Variants in PARN observed in about 807,000 individuals in gnomAD.
PARN encodes the protein poly(A)-specific ribonuclease PARN.
In PARN, 71 loss-of-function variants were observed where a neutral mutation model predicts 102.8. The observed-to-expected ratio is 0.69, with a 90% confidence interval of 0.57 to 0.84. The LOEUF (loss-of-function observed/expected upper bound fraction) is 0.84, where lower values mean the gene tolerates loss of function less well. Ranked by LOEUF, PARN falls within the 40% of genes least tolerant of loss-of-function variation. The pLI is 0.00. For missense variants in PARN, 782 were observed against 760.9 expected, an observed-to-expected ratio of 1.03 and a Z score of -0.33; for synonymous variants, 261 against 252.9, an observed-to-expected ratio of 1.03 and a Z score of -0.30.
intron 6 of PARN, among the ~76,000 whole-genome samples, chr16:14,611,057 G>A (rs191655750): frequency 2.6e-5 from 4 of 152,232 alleles, no homozygotes; most frequent in Non-Finnish European, 5.9e-5. Context: ...ACTGGGGAAT[G>A]AACAGTGACA....
chr16:14,551,115 A>T (rs1967273535), intron 21 of PARN, among the ~76,000 whole-genome samples: 1 of 151,834 alleles, frequency 6.6e-6, no homozygotes, highest in South Asian at 2.1e-4. Context: ...CATATTTAGT[A>T]GAGATAGGGT....
intron 5 of PARN, among the ~76,000 whole-genome samples, chr16:14,620,726 G>A (rs1016830956): frequency 6.6e-6 from 1 of 152,152 alleles, no homozygotes; most frequent in Non-Finnish European, 1.5e-5. Context: ...TAAATGTTCT[G>A]AGGTCTCTAT....
chr16:14,595,472 C>A (rs1312974569), intron 12 of PARN, among the ~76,000 whole-genome samples: 1 of 152,168 alleles, frequency 6.6e-6, no homozygotes, highest in Non-Finnish European at 1.5e-5. Flanking sequence ...TCAAGCAATC[C>A]TCCCACCTCA....
intron 22 of PARN, among the ~76,000 whole-genome samples, chr16:14,476,118 G>A (rs1963034652): frequency 6.6e-6 from 1 of 152,148 alleles, no homozygotes; most frequent in Non-Finnish European, 1.5e-5. Context: ...TAATCTTAGA[G>A]TAGTGCTTGG....
intron 18 of PARN, among the ~76,000 whole-genome samples, chr16:14,574,639 T>C (rs202123817): frequency 6.6e-6 from 1 of 151,800 alleles, no homozygotes; most frequent in Non-Finnish European, 1.5e-5. Flanking sequence ...CTTGAACCCA[T>C]GAGGCAGAGG....
At chr16:14,440,221 T>C (rs977559930) in intron 23 of PARN, among the ~76,000 whole-genome samples, 6 of 152,156 alleles carry the variant, frequency 3.9e-5, no homozygotes, top group Admixed American at 3.9e-4. Flanking sequence ...ATAAGAAATC[T>C]GGATGGCAAA....
At chr16:14,590,428 C>T (rs1043844082) in intron 13 of PARN, among the ~76,000 whole-genome samples, 3 of 150,224 alleles carry the variant, frequency 2.0e-5, no homozygotes, top group East Asian at 2.0e-4. Context: ...TGAGATGAGG[C>T]GTTCGAGACC....
intron 22 of PARN, among the ~76,000 whole-genome samples, chr16:14,465,031 ATACT>A (rs1325524010): frequency 6.6e-6 from 1 of 152,216 alleles, no homozygotes; most frequent in Admixed American, 6.5e-5. Flanking sequence ...GAATGAGGAA[ATACT>A]TACATGGGTA....
intron 23 of PARN, among the ~76,000 whole-genome samples, chr16:14,443,244 C>T (rs1961024330): frequency 6.6e-6 from 1 of 151,550 alleles, no homozygotes; most frequent in African/African-American, 2.4e-5. Flanking sequence ...GTACTTAATT[C>T]TTAGTGTATC....
intron 21 of PARN, among the ~76,000 whole-genome samples, chr16:14,506,772 C>T (rs577139274): frequency 1.8e-4 from 27 of 152,208 alleles, no homozygotes; most frequent in East Asian, 1.4e-3. Context: ...AGGAGGACTG[C>T]CTGAGCCCAG....
chr16:14,521,802 C>CAA (rs747428935), intron 21 of PARN, among the ~76,000 whole-genome samples: 1 of 137,046 alleles, frequency 7.3e-6, no homozygotes. Context: ...AACTCCATCT[C>CAA]AAAAAAAAAA....
chr16:14,461,803 C>A (rs1444257086), intron 22 of PARN, among the ~76,000 whole-genome samples: 1 of 152,110 alleles, frequency 6.6e-6, no homozygotes, highest in Non-Finnish European at 1.5e-5. Context: ...TTTTGATTAT[C>A]CATTTGAAAA....
At chr16:14,438,688 G>A (rs1432885718) in intron 23 of PARN, among the ~76,000 whole-genome samples, 3 of 152,152 alleles carry the variant, frequency 2.0e-5, no homozygotes, top group Non-Finnish European at 2.9e-5. Flanking sequence ...TTTAATGAAC[G>A]CTAGGTCTCT....
intron 13 of PARN, among the ~76,000 whole-genome samples, chr16:14,589,401 A>C (rs1219515534): frequency 1.3e-5 from 2 of 150,678 alleles, no homozygotes; most frequent in Non-Finnish European, 3.0e-5. Flanking sequence ...TGTCTCTACA[A>C]AACTTTCAAA....
intron 21 of PARN, among the ~76,000 whole-genome samples, chr16:14,548,140 C>T (rs1323581319): frequency 2.0e-5 from 3 of 151,522 alleles, no homozygotes; most frequent in African/African-American, 4.9e-5. Context: ...CCCAGCTACT[C>T]GGGAGGCTGA....
chr16:14,614,914 G>A lies in PARN; in HGVS notation c.388+2676C>T, dbSNP rs77891705. Among the ~76,000 whole-genome samples, 19 of 150,168 alleles carry A rather than the reference G, an allele frequency of 1.3e-4. No individual in the cohort carries two copies. In the East Asian group the frequency reaches 3.7e-3, roughly 29 times the overall value. ...GAAAATTCAGGTGTCTGAAGGTGGTGTGGGGAAACAAGGAGGACACCTAGC... is the reference window on the plus strand; with the variant it reads ...GAAAATTCAGGTGTCTGAAGGTGGTATGGGGAAACAAGGAGGACACCTAGC... On this transcript the variant is annotated intron_variant, in intron 6 of 23. Coordinates refer to ENST00000437198, the MANE Select transcript of PARN (RefSeq NM_002582.4).
At chr16:14,619,120 G>T (rs988598576) in intron 5 of PARN, among the ~76,000 whole-genome samples, 4 of 151,892 alleles carry the variant, frequency 2.6e-5, no homozygotes, top group Admixed American at 2.6e-4. Context: ...ACTTAAGTAT[G>T]GAAGGTGAGG....
At chr16:14,606,421 A>G in intron 10 of PARN, 63 bp downstream of exon 10, 2 of 869,228 alleles carry the variant, frequency 2.3e-6, no homozygotes. Context: ...AAAAAAAAAG[A>G]AACCCCTAAC....
At position 14,468,908 on chromosome 16, in the gene PARN, T is replaced by TAGATAGATAGAC. The variant is rs1248446669; in HGVS notation, c.1670+13729_1670+13730insGTCTATCTATCT. Among the ~76,000 whole-genome samples the TAGATAGATAGAC allele has an allele frequency of 9.4e-4, 142 of 150,664 alleles. 1 individual carries two copies. Among genetic ancestry groups the TAGATAGATAGAC allele is most frequent in the African/African-American group, 3.3e-3 (137 of 40,992 alleles). ...ATAGATAGATAGATAGATAGATAGA[T>TAGATAGATAGAC]AGATAGATAGATAGATAAAATAAAA... On this transcript the variant is annotated intron_variant, in intron 22 of 23. Coordinates refer to ENST00000437198, the MANE Select transcript of PARN (RefSeq NM_002582.4).
Sources: gnomAD v4.1 joint callset for allele counts (sites outside exome capture counted in the v4.1 genomes callset) on GRCh38, gnomAD v4.1.1 for gene constraint, MANE v1.5 for transcripts, NCBI Gene and HGNC (gene_info 2026-07-23, HGNC 2026-07-21) for gene names.